Variants in KIFAP3 observed in about 807,000 individuals in gnomAD.
KIFAP3 encodes the protein kinesin-associated protein 3.
A neutral mutation model predicts 106.5 loss-of-function variants in KIFAP3; 68 were observed. The ratio of observed to expected loss-of-function variants is 0.64; its 90% CI spans 0.53 to 0.78. The LOEUF (loss-of-function observed/expected upper bound fraction) is 0.78. Ranked by LOEUF, KIFAP3 falls within the 30% of genes least tolerant of loss-of-function variation. The pLI is 0.00. For synonymous variants in KIFAP3, 320 were observed against 311.5 expected, an observed-to-expected ratio of 1.03 and a Z score of -0.29; for missense variants, 780 against 941.8, an observed-to-expected ratio of 0.83 and a Z score of 2.25.
chr1:169,921,692 T>C lies in KIFAP3; in HGVS notation c.2363A>G (p.Tyr788Cys), dbSNP rs1476852025. The change falls in exon 20 of 20, where the codon TAT becomes TGT. Residue 788 changes from tyrosine to cysteine, a missense_variant. Tyr to Cys is a radical substitution (Grantham distance 194). Coordinates refer to ENST00000361580, the MANE Select transcript of KIFAP3 (RefSeq NM_014970.4). ...YGFRPDEPYY[Y>C]GYGS is the part of the protein sequence containing the mutation. The stretch of plus-strand genomic sequence containing the variant: ...GATACTTTATCAAGATCCATAGCCA[T>C]AGTAGTAAGGTTCATCAGGGCGGAA... 6 of 1,612,572 alleles carry C rather than the reference T, an allele frequency of 3.7e-6. No homozygotes were observed. In the East Asian group the frequency reaches 6.7e-5, roughly 18 times the overall value.
rs556515160 is a variant in KIFAP3 at position 170,067,076 on chromosome 1, T to C, written c.32+7360A>G. ...TTAAGAATAATAATAAATAAATAGG[T>C]TTAATAGCAGATTAGATACGGGTAA... On this transcript the variant is annotated intron_variant, in intron 1 of 19. Transcript: ENST00000361580. Among the ~76,000 whole-genome samples, 7 of 151,874 alleles carry C rather than the reference T, an allele frequency of 4.6e-5. No individual in the cohort carries two copies. In the South Asian group the frequency reaches 1.5e-3, roughly 32 times the overall value.
rs146167073 is a variant in KIFAP3 at position 170,002,341 on chromosome 1, T to C, written c.1184-10086A>G. Among the ~76,000 whole-genome samples, 22 of 152,330 alleles carry C rather than the reference T, an allele frequency of 1.4e-4. 1 individual carries two copies. The East Asian group carries it at 2.9e-3, about 20-fold the overall frequency. The stretch of plus-strand genomic sequence containing the variant: ...GAATAGAGAAACATTTATATCAATA[T>C]GGAACACCTTAGAAACTCTAATTTG... On this transcript the variant is annotated intron_variant, in intron 10 of 19. Coordinates refer to ENST00000361580, the MANE Select transcript of KIFAP3 (RefSeq NM_014970.4).
chr1:170,083,406 T>C (rs1406136347), intron 1 of KIFAP3, among the ~76,000 whole-genome samples: 2 of 152,226 alleles, frequency 1.3e-5, no homozygotes, highest in African/African-American at 4.8e-5. Flanking sequence ...TGCATTATTC[T>C]GTGGTGTAGT....
intron 2 of KIFAP3, among the ~76,000 whole-genome samples, chr1:170,052,932 C>G (rs564390155): frequency 6.6e-6 from 1 of 152,266 alleles, no homozygotes; most frequent in South Asian, 2.1e-4. Flanking sequence ...AAAACCATCA[C>G]AAGACAAGGA....
At chr1:169,924,975 G>A (rs1663055417) in intron 19 of KIFAP3, among the ~76,000 whole-genome samples, 1 of 152,136 alleles carries the variant, frequency 6.6e-6, no homozygotes, top group Non-Finnish European at 1.5e-5. Context: ...AGTAAGCTGT[G>A]ACATGCCACA....
chr1:169,945,773 C>T (rs1664411691), intron 19 of KIFAP3, among the ~76,000 whole-genome samples: 1 of 152,166 alleles, frequency 6.6e-6, no homozygotes, highest in Non-Finnish European at 1.5e-5. Context: ...TAGGATAAAA[C>T]ATCTTCCCAA....
intron 2 of KIFAP3, among the ~76,000 whole-genome samples, chr1:170,048,359 G>C (rs1670377231): frequency 6.7e-6 from 1 of 148,834 alleles, no homozygotes; most frequent in Non-Finnish European, 1.5e-5. Context: ...TTTTTATATA[G>C]TTTTAGCTGC....
At chr1:170,014,048 TC>T (rs1314175425) in intron 10 of KIFAP3, among the ~76,000 whole-genome samples, 1 of 152,168 alleles carries the variant, frequency 6.6e-6, no homozygotes, top group African/African-American at 2.4e-5. Flanking sequence ...TTCTGCCCTT[TC>T]CTTTTGCCTC....
At chr1:170,007,663 G>T (rs1668037928) in intron 10 of KIFAP3, among the ~76,000 whole-genome samples, 1 of 152,034 alleles carries the variant, frequency 6.6e-6, no homozygotes, top group East Asian at 1.9e-4. Flanking sequence ...ATGGATAGAA[G>T]AATCAATATT....
intron 3 of KIFAP3, among the ~76,000 whole-genome samples, chr1:170,041,478 C>CA (rs1669978011): frequency 6.6e-6 from 1 of 152,040 alleles, no homozygotes; most frequent in Non-Finnish European, 1.5e-5. Context: ...CCCGTCTCTA[C>CA]AAAAAATGTA....
intron 1 of KIFAP3, among the ~76,000 whole-genome samples, 197 bp downstream of exon 1, chr1:170,074,239 T>C (rs1228602365): frequency 6.6e-6 from 1 of 152,046 alleles, no homozygotes; most frequent in African/African-American, 2.4e-5. Context: ...CCGAGTCAGG[T>C]CAAAGGACTT....
At chr1:170,042,119 A>G (rs946180105) in intron 3 of KIFAP3, among the ~76,000 whole-genome samples, 14 of 152,322 alleles carry the variant, frequency 9.2e-5, no homozygotes, top group Admixed American at 8.5e-4. Flanking sequence ...GAGCCAAGTA[A>G]CTGGTGTTTG....
chr1:170,074,371 C>A (rs1426517640), intron 1 of KIFAP3, 65 bp downstream of exon 1: 2 of 1,582,760 alleles, frequency 1.3e-6, no homozygotes, highest in Non-Finnish European at 1.7e-6. Flanking sequence ...CATCTCACAG[C>A]CAACCCAAGA....
chr1:170,083,187 C>T lies in KIFAP3; in HGVS notation n.174+1848G>A, dbSNP rs543204993. ...GCCAATATTTAAGACTGGAAAACAT[C>T]CTGAGTTAATCAAAGACGTGAATCC... On this transcript the variant is annotated intron_variant and non_coding_transcript_variant, in intron 1 of 5. Transcript: ENST00000490550. 2.6e-5 allele frequency among the ~76,000 whole-genome samples: 4 copies of T among 152,114 alleles called. No homozygotes were observed. In the East Asian group the frequency reaches 7.7e-4, roughly 29 times the overall value.
rs1305102778 is a variant in KIFAP3 at position 170,074,485 on chromosome 1, CG to C, written c.-19del. On this transcript the variant is annotated 5_prime_UTR_variant, in exon 1 of 20. Coordinates refer to ENST00000361580, the MANE Select transcript of KIFAP3 (RefSeq NM_014970.4). ...CCTTGCATGGCGGCAGCGGCAGCGG[CG>C]TGGAGAGGATGGGGTATCTTGAGAG... The C allele has an allele frequency of 6.2e-7, 1 of 1,613,904 alleles. No homozygotes were observed. The highest frequency in any genetic ancestry group is 8.5e-7 in the Non-Finnish European group (1 of 1,179,916).
chr1:169,940,184 T>C (rs1472863673), intron 19 of KIFAP3, among the ~76,000 whole-genome samples: 1 of 152,200 alleles, frequency 6.6e-6, no homozygotes, highest in Non-Finnish European at 1.5e-5. Flanking sequence ...AGTTTATTGA[T>C]TGAGTGGTGG....
At chr1:169,952,006 G>T (rs556112636) in intron 19 of KIFAP3, among the ~76,000 whole-genome samples, 1 of 152,024 alleles carries the variant, frequency 6.6e-6, no homozygotes, top group East Asian at 1.9e-4. Context: ...ATAGAGTACA[G>T]TATTTATAAT....
chr1:169,960,451 C>T (rs1245737498), intron 18 of KIFAP3, among the ~76,000 whole-genome samples: 7 of 152,018 alleles, frequency 4.6e-5, no homozygotes, highest in Admixed American at 3.9e-4. Context: ...GTGTCAAACT[C>T]ATCCTTGGAA....
chr1:169,979,142 T>A (rs901354090), intron 15 of KIFAP3, among the ~76,000 whole-genome samples: 32 of 152,112 alleles, frequency 2.1e-4, no homozygotes, highest in African/African-American at 7.7e-4. Context: ...TTTATGAATA[T>A]CTTAGCTCTC....
Sources: allele counts gnomAD v4.1 joint callset (sites outside exome capture counted in the v4.1 genomes callset), GRCh38; gene constraint gnomAD v4.1.1; transcripts MANE v1.5; gene names NCBI Gene and HGNC (gene_info 2026-07-23, HGNC 2026-07-21).